NRXN1: variants seen among roughly 807,000 people sequenced by gnomAD.
NRXN1 encodes the protein neurexin 1, also known as neurexin-1.
In NRXN1, 39 loss-of-function variants were observed where a neutral mutation model predicts 150.9. That is an observed-to-expected ratio of 0.26 (90% CI 0.20 to 0.34). NRXN1 has a LOEUF of 0.34. Among genes scored for constraint, NRXN1 ranks in the 10% least tolerant of loss-of-function variants. The probability of loss-of-function intolerance (pLI) is 1.00; values close to 1 mark genes in which losing one functional copy is unlikely to be tolerated. For synonymous variants in NRXN1, 924 were observed against 757.0 expected, an observed-to-expected ratio of 1.22 and a Z score of -3.62; for missense variants, 1,815 against 1,949.9, an observed-to-expected ratio of 0.93 and a Z score of 1.30.
At position 50,639,272 on chromosome 2, in the gene NRXN1, G is replaced by A. The variant is rs552804483; in HGVS notation, c.833-15657C>T. On this transcript the variant is annotated intron_variant, in intron 5 of 22. Transcript: ENST00000401669. ...TTCTTGCTCTGTCACCCAGGCTGGA[G>A]TGCAGTGGCATGATCTCAGCTCATT... 2.7e-5 allele frequency among the ~76,000 whole-genome samples: 4 copies of A among 146,692 alleles called. No homozygotes were observed. The East Asian group carries it at 8.1e-4, about 30-fold the overall frequency.
intron 5 of NRXN1, among the ~76,000 whole-genome samples, chr2:50,640,427 T>C (rs990639217): frequency 3.9e-5 from 6 of 152,198 alleles, no homozygotes; most frequent in African/African-American, 1.4e-4. Context: ...ATACTGCTTA[T>C]GTAACTTATC....
chr2:50,804,793 C>G (rs17568979), intron 5 of NRXN1, among the ~76,000 whole-genome samples: 7,473 of 152,274 alleles, frequency 0.049, 267 homozygotes, highest in Non-Finnish European at 0.074. Context: ...TGCAGCTATG[C>G]TATTTCTTAA....
At chr2:49,926,418 T>G (rs1358789401) in intron 22 of NRXN1, 4 of 398,274 alleles carry the variant, frequency 1.0e-5, no homozygotes, top group Non-Finnish European at 1.8e-5. Context: ...ATCCTATGAA[T>G]CTTCTTGTTT....
At chr2:50,764,531 T>C (rs1702172761) in intron 5 of NRXN1, among the ~76,000 whole-genome samples, 1 of 152,008 alleles carries the variant, frequency 6.6e-6, no homozygotes, top group African/African-American at 2.4e-5. Context: ...TTTTCAGGTA[T>C]TTTTACTTGA....
intron 17 of NRXN1, among the ~76,000 whole-genome samples, chr2:50,274,081 G>C (rs1373960564): frequency 6.6e-6 from 1 of 152,132 alleles, no homozygotes; most frequent in Non-Finnish European, 1.5e-5. Flanking sequence ...GCACATGTAT[G>C]TTTATTGCGA....
At chr2:50,704,211 T>C (rs750742295) in intron 5 of NRXN1, among the ~76,000 whole-genome samples, 70 of 152,230 alleles carry the variant, frequency 4.6e-4, no homozygotes, top group Non-Finnish European at 9.3e-4. Flanking sequence ...GAAGAAAGAT[T>C]ATAAAAGATT....
chr2:50,345,960 A>G (rs1349447630), intron 17 of NRXN1, among the ~76,000 whole-genome samples: 1 of 152,190 alleles, frequency 6.6e-6, no homozygotes, highest in Non-Finnish European at 1.5e-5. Flanking sequence ...TTCCATTTAG[A>G]AAAGAACTCA....
intron 17 of NRXN1, among the ~76,000 whole-genome samples, chr2:50,428,015 T>C (rs554404426): frequency 2.0e-5 from 3 of 152,308 alleles, no homozygotes; most frequent in Admixed American, 6.5e-5. Flanking sequence ...ACTTTCATTT[T>C]CCTCTTCTTT....
At chr2:50,051,401 T>G (rs1457489676) in intron 21 of NRXN1, among the ~76,000 whole-genome samples, 2 of 152,160 alleles carry the variant, frequency 1.3e-5, no homozygotes, top group South Asian at 2.1e-4. Flanking sequence ...AAATACCTGA[T>G]TATTTCAAAT....
chr2:50,503,981 A>G (rs530882841), intron 13 of NRXN1, among the ~76,000 whole-genome samples: 1 of 152,150 alleles, frequency 6.6e-6, no homozygotes, highest in Non-Finnish European at 1.5e-5. Flanking sequence ...TAAAATATAC[A>G]TTCAGTCATG....
At chr2:50,376,932 C>A (rs1572738097) in intron 17 of NRXN1, among the ~76,000 whole-genome samples, 1 of 149,450 alleles carries the variant, frequency 6.7e-6, no homozygotes, top group Non-Finnish European at 1.5e-5. Flanking sequence ...TTCCCAAATT[C>A]TTTTTCTTTC....
intron 5 of NRXN1, among the ~76,000 whole-genome samples, chr2:50,684,981 C>T (rs756342053): frequency 6.6e-6 from 1 of 152,104 alleles, no homozygotes; most frequent in Non-Finnish European, 1.5e-5. Context: ...ATGATAGCTA[C>T]ATCATTAAGA....
chr2:50,559,297 C>G (rs1217571941), intron 8 of NRXN1, among the ~76,000 whole-genome samples: 1 of 152,140 alleles, frequency 6.6e-6, no homozygotes, highest in East Asian at 1.9e-4. Context: ...TTGCCATGAT[C>G]TGGGTAAGAA....
chr2:50,165,911 C>T (rs916147155), intron 18 of NRXN1, among the ~76,000 whole-genome samples: 1 of 152,052 alleles, frequency 6.6e-6, no homozygotes, highest in Non-Finnish European at 1.5e-5. Context: ...TACTTTATGT[C>T]TTGTGTATTC....
intron 2 of NRXN1, among the ~76,000 whole-genome samples, chr2:50,977,424 T>C (rs1310372895): frequency 6.6e-6 from 1 of 151,824 alleles, no homozygotes; most frequent in African/African-American, 2.4e-5. Context: ...ATATATACTT[T>C]TTATGAATCA....
intron 17 of NRXN1, among the ~76,000 whole-genome samples, chr2:50,320,781 G>A (rs2075982492): frequency 6.6e-6 from 1 of 152,102 alleles, no homozygotes; most frequent in Admixed American, 6.6e-5. Context: ...GCTCTGATGA[G>A]AATATGAAGA....
intron 17 of NRXN1, among the ~76,000 whole-genome samples, chr2:50,414,115 A>G (rs528521472): frequency 1.3e-5 from 2 of 151,936 alleles, no homozygotes; most frequent in East Asian, 3.9e-4. Flanking sequence ...GAAAGAATGA[A>G]TAAGAACTAC....
At chr2:50,109,829 G>C (rs940104147) in intron 18 of NRXN1, among the ~76,000 whole-genome samples, 2 of 151,826 alleles carry the variant, frequency 1.3e-5, no homozygotes, top group Non-Finnish European at 2.9e-5. Context: ...TTGTAGAGTG[G>C]GTTTATTTTT....
At chr2:49,962,923 G>A (rs1222362158) in intron 21 of NRXN1, among the ~76,000 whole-genome samples, 1 of 151,706 alleles carries the variant, frequency 6.6e-6, no homozygotes, top group Non-Finnish European at 1.5e-5. Context: ...ACTGCACTCA[G>A]CCTGGGCAAC....
Sources: gnomAD v4.1 joint callset for allele counts (sites outside exome capture counted in the v4.1 genomes callset) on GRCh38, gnomAD v4.1.1 for gene constraint, MANE v1.5 for transcripts, NCBI Gene and HGNC (gene_info 2026-07-23, HGNC 2026-07-21) for gene names.